Variants in HMGXB3 observed in about 807,000 individuals in gnomAD.
HMGXB3 encodes HMG domain-containing protein 3.
In HMGXB3, 45 loss-of-function variants were observed where a neutral mutation model predicts 121.5. The ratio of observed to expected loss-of-function variants is 0.37; its 90% CI spans 0.29 to 0.47. The LOEUF is 0.47. HMGXB3 is among the 20% of genes least tolerant of loss of function. The probability of loss-of-function intolerance (pLI) is 0.99; values close to 1 mark genes in which losing one functional copy is unlikely to be tolerated. For synonymous variants in HMGXB3, 590 were observed against 624.1 expected (o/e 0.95, Z 0.81); for missense variants, 1,376 against 1,602.2 (o/e 0.86, Z 2.41).
chr5:150,040,941 A>T, intron 14 of HMGXB3, 62 bp downstream of exon 14: 1 of 1,427,644 alleles, frequency 7.0e-7, no homozygotes, highest in Non-Finnish European at 9.3e-7. Flanking sequence ...ATTTTCAGTG[A>T]TGGCATTTGG....
At position 150,045,516 on chromosome 5, in the gene HMGXB3, T is replaced by C. The variant is rs990208152; in HGVS notation, c.2781T>C (p.Phe927=). The C allele has an allele frequency of 1.9e-6, 3 of 1,552,330 alleles. No homozygotes were observed. The highest frequency in any genetic ancestry group is 1.7e-6 in the Non-Finnish European group (2 of 1,147,124). Residue 927 remains phenylalanine (F), a synonymous_variant, in exon 16 of 20, where the codon TTT becomes TTC. Coordinates refer to ENST00000502717, the MANE Select transcript of HMGXB3 (RefSeq NM_014983.3). ...LGSNEVNVED[F]WATMETEVIE... is the part of the protein sequence containing the mutation. ...CTAATGAGGTAAATGTGGAGGACTTTTGGGCCACGATGGAGACAGAGGTGA... is the reference window on the plus strand; with the variant it reads ...CTAATGAGGTAAATGTGGAGGACTTCTGGGCCACGATGGAGACAGAGGTGA...
In HMGXB3 at chr5:150,032,703, A is replaced by G. The variant is rs562614293; in HGVS notation, c.1983+100A>G. The G allele has an allele frequency of 2.2e-6, 3 of 1,362,604 alleles. No individual in the cohort carries two copies. In the African/African-American group the frequency reaches 4.4e-5, roughly 20 times the overall value. The allele number at this position is 1,362,604 out of a possible 1,614,324, so 84.4% of individuals were successfully genotyped here. A position where few individuals can be genotyped will look rare whatever the true frequency, so the allele number is the denominator to read the frequency against. ...GAAGATTTTTAAAGTACATGGTGGT[A>G]GTTAGAGCATCCAAACTGAACCAGT... On this transcript the variant is annotated intron_variant, in intron 11 of 19. Transcript: ENST00000502717.
chr5:150,014,249 C>G (rs184567433), intron 5 of HMGXB3, among the ~76,000 whole-genome samples: 151 of 152,302 alleles, frequency 9.9e-4, no homozygotes, highest in African/African-American at 3.5e-3. Flanking sequence ...TTTGCAGTCC[C>G]TATGTTCATG....
intron 13 of HMGXB3, among the ~76,000 whole-genome samples, chr5:150,039,642 GT>G (rs1756580550): frequency 6.6e-6 from 1 of 151,404 alleles, no homozygotes; most frequent in African/African-American, 2.4e-5. Context: ...GGTCTTTTTT[GT>G]TGACAGTTTT....
chr5:150,011,266 C>T (rs911615423), intron 4 of HMGXB3, among the ~76,000 whole-genome samples: 5 of 152,318 alleles, frequency 3.3e-5, no homozygotes, highest in Admixed American at 1.3e-4. Context: ...CTACAGTGGC[C>T]TAAGTGTCAT....
At chr5:150,030,518 T>G in intron 9 of HMGXB3, 2 of 478,184 alleles carry the variant, frequency 4.2e-6, no homozygotes, top group East Asian at 3.4e-5. Context: ...TTCTAATACA[T>G]GGTATTAGAA....
At chr5:150,029,420 C>G (rs994990427) in intron 9 of HMGXB3, among the ~76,000 whole-genome samples, 1 of 150,832 alleles carries the variant, frequency 6.6e-6, no homozygotes, top group Non-Finnish European at 1.5e-5. Flanking sequence ...TGCATGAATA[C>G]CAGATTGTCA....
At chr5:150,033,623 A>G (rs9324640) in intron 11 of HMGXB3, among the ~76,000 whole-genome samples, 127,949 of 152,078 alleles carry the variant, frequency 0.84, 54,248 homozygotes, top group African/African-American at 0.95. Context: ...GAACCATGTC[A>G]TGGAAGGTCT....
intron 11 of HMGXB3, among the ~76,000 whole-genome samples, chr5:150,036,089 A>G (rs965197434): frequency 6.6e-6 from 1 of 152,224 alleles, no homozygotes; most frequent in African/African-American, 2.4e-5. Context: ...TGGGTCCCAC[A>G]TACACAGCTG....
intron 4 of HMGXB3, 109 bp downstream of exon 4, chr5:150,010,717 G>T: frequency 9.4e-7 from 1 of 1,061,524 alleles, no homozygotes; most frequent in Non-Finnish European, 1.3e-6. Context: ...GTACTGGTGT[G>T]GCACTTACTG....
At chr5:150,028,184 CTTATAGG>C (rs1375709829) in intron 9 of HMGXB3, among the ~76,000 whole-genome samples, 3 of 151,976 alleles carry the variant, frequency 2.0e-5, no homozygotes, top group African/African-American at 2.4e-5. Flanking sequence ...AGGGAGGGGA[CTTATAGG>C]TTATAGGTAG....
intron 3 of HMGXB3, among the ~76,000 whole-genome samples, chr5:150,007,227 C>A (rs1755724016): frequency 6.6e-6 from 1 of 152,218 alleles, no homozygotes; most frequent in Non-Finnish European, 1.5e-5. Flanking sequence ...AAAGGACTAA[C>A]AAGGAAGCAT....
At position 150,001,117 on chromosome 5, in the gene HMGXB3, C is replaced by T. The variant is rs1048235329; in HGVS notation, c.-65C>T. 1.3e-5 allele frequency: 2 copies of T among 154,184 alleles called. No homozygotes were observed. The highest frequency in any genetic ancestry group is 6.5e-5 in the Admixed American group (1 of 15,296). The allele number at this position is 154,184 out of a possible 1,614,324, so 9.6% of individuals were successfully genotyped here. ...GCGCGAGTGCGCCAGCCATCCCCCT[C>T]GTCCAGCCGCCGGGCCAAGCGCCTC... is the stretch of plus-strand genomic sequence containing the variant. On this transcript the variant is annotated 5_prime_UTR_variant, in exon 1 of 20. Transcript: ENST00000502717.
intron 4 of HMGXB3, among the ~76,000 whole-genome samples, chr5:150,011,696 C>T (rs2113728688): frequency 6.6e-6 from 1 of 151,450 alleles, no homozygotes; most frequent in Admixed American, 6.6e-5. Flanking sequence ...CCTCCACCTC[C>T]CGGGTTCAAG....
At chr5:150,022,347 A>G (rs542631408) in intron 6 of HMGXB3, among the ~76,000 whole-genome samples, 8 of 152,362 alleles carry the variant, frequency 5.3e-5, no homozygotes, top group South Asian at 2.1e-4. Context: ...CCCAAGAAAT[A>G]TGTGGCATAG....
intron 11 of HMGXB3, 89 bp downstream of exon 11, chr5:150,032,692 T>C: frequency 7.0e-7 from 1 of 1,428,372 alleles, no homozygotes; most frequent in Non-Finnish European, 9.5e-7. Context: ...ATTTTTAAAG[T>C]ACATGGTGGT....
chr5:150,012,234 CCTT>C lies in HMGXB3; in HGVS notation c.811-18_811-16del. ...TATTACTCTGTTTCAGTGAAACTGT[CCTT>C]CTCTTCATTGCCCATAGGATTCCAG... On this transcript the variant is annotated intron_variant, in intron 4 of 19. Transcript: ENST00000502717. 1 of 1,518,490 alleles carries C rather than the reference CCTT, an allele frequency of 6.6e-7. No individual in the cohort carries two copies. The highest frequency in any genetic ancestry group is 2.0e-5 in the Admixed American group (1 of 50,952). The allele number at this position is 1,518,490 out of a possible 1,614,324, so 94.1% of individuals were successfully genotyped here.
intron 5 of HMGXB3, among the ~76,000 whole-genome samples, chr5:150,017,796 C>A (rs1023950429): frequency 1.3e-5 from 2 of 152,114 alleles, no homozygotes; most frequent in Non-Finnish European, 2.9e-5. Context: ...TTTTTTCCAG[C>A]CTTAATCTAG....
At chr5:150,002,362 A>G (rs957290432) in intron 1 of HMGXB3, among the ~76,000 whole-genome samples, 4 of 152,162 alleles carry the variant, frequency 2.6e-5, no homozygotes, top group Non-Finnish European at 4.4e-5. Context: ...GAAATTTAGG[A>G]TGTGGAATAG....
Sources: gnomAD v4.1 joint callset for allele counts (sites outside exome capture counted in the v4.1 genomes callset) on GRCh38, gnomAD v4.1.1 for gene constraint, MANE v1.5 for transcripts, NCBI Gene and HGNC (gene_info 2026-07-23, HGNC 2026-07-21) for gene names.